CARF: variants seen among roughly 807,000 people sequenced by gnomAD.
CARF encodes the protein calcium-responsive transcription factor.
A neutral mutation model predicts 82.0 loss-of-function variants in CARF; 57 were observed. The ratio of observed to expected loss-of-function variants is 0.70; its 90% CI spans 0.56 to 0.87. The LOEUF is 0.87. Ranked by LOEUF, CARF falls within the 40% of genes least tolerant of loss-of-function variation. The probability of loss-of-function intolerance (pLI) is 0.00; values close to 1 mark genes in which losing one functional copy is unlikely to be tolerated. For synonymous variants in CARF, 268 were observed against 290.1 expected (o/e 0.92, Z 0.77); for missense variants, 771 against 855.8 (o/e 0.90, Z 1.24).
chr2:202,956,395 A>G (rs575354336), intron 8 of CARF, among the ~76,000 whole-genome samples: 8 of 152,162 alleles, frequency 5.3e-5, no homozygotes, highest in South Asian at 4.1e-4. Flanking sequence ...AGCTGGGACT[A>G]CAGGCATGTG....
intron 3 of CARF, among the ~76,000 whole-genome samples, chr2:202,935,154 ACTC>A (rs1161808992): frequency 7.1e-6 from 1 of 140,448 alleles, no homozygotes; most frequent in Non-Finnish European, 1.5e-5. Flanking sequence ...TATAATATAT[ACTC>A]CTGTATATAT....
chr2:202,981,617 T>A lies in CARF; in HGVS notation c.1621T>A (p.Ser541Thr). 6.2e-7 allele frequency: 1 copy of A among 1,611,508 alleles called. No individual in the cohort carries two copies. The highest frequency in any genetic ancestry group is 2.2e-5 in the East Asian group (1 of 44,818). ...AACAAATCAGACCAGGGGTTCTTTG[T>A]CTCCTGAGCCAACCCACTTGCTCTC... is the stretch of plus-strand genomic sequence containing the variant. ...VETNQTRGSL[S>T]PEPTHLLSSL... Residue 541 changes from serine (S) to threonine (T), a missense_variant, in exon 15 of 17, where the codon TCT (serine) becomes ACT (threonine). Transcript: ENST00000438828.
At chr2:202,959,449 G>A (rs2059205144) in intron 8 of CARF, among the ~76,000 whole-genome samples, 1 of 152,136 alleles carries the variant, frequency 6.6e-6, no homozygotes, top group Non-Finnish European at 1.5e-5. Context: ...AAACATACAT[G>A]GAGTCAATTC....
chr2:202,961,146 T>C, intron 8 of CARF, 91 bp from the exon 9 acceptor site: 2 of 990,456 alleles, frequency 2.0e-6, no homozygotes, highest in Non-Finnish European at 3.0e-6. Flanking sequence ...TGAAAGGTGA[T>C]GAGTCTTCCA....
chr2:202,926,860 T>C (rs1416626797), intron 3 of CARF, among the ~76,000 whole-genome samples: 1 of 152,212 alleles, frequency 6.6e-6, no homozygotes, highest in African/African-American at 2.4e-5. Context: ...TCTTGCTCTG[T>C]CGCCCAGGTT....
chr2:202,948,037 T>G (rs544992061), intron 5 of CARF, among the ~76,000 whole-genome samples: 108 of 152,316 alleles, frequency 7.1e-4, no homozygotes, highest in African/African-American at 2.4e-3. Flanking sequence ...GTATATGGTG[T>G]GAGGAAGGGG....
At position 202,952,601 on chromosome 2, in the gene CARF, G is replaced by A. The variant is rs762408121; in HGVS notation, c.349G>A (p.Val117Ile). 6.2e-7 allele frequency: 1 copy of A among 1,613,502 alleles called. No homozygotes were observed. Among genetic ancestry groups the A allele is most frequent in the Non-Finnish European group, 8.5e-7 (1 of 1,179,848 alleles). ...AACAGAAAATGGACAGGTACTTCGT[G>A]TAATTCCACCTACCCAGACAGGAAT... is the stretch of plus-strand genomic sequence containing the variant. ...SPTENGQVLR[V>I]IPPTQTGMAQ... Residue 117 changes from valine to isoleucine, a missense_variant, in exon 6 of 17, where the codon GTA (valine) becomes ATA (isoleucine). Physicochemically the swap from Val to Ile is conservative, Grantham distance 29. Coordinates refer to ENST00000438828, the MANE Select transcript of CARF (RefSeq NM_024744.17).
chr2:202,947,175 A>G (rs1372289575), intron 5 of CARF, among the ~76,000 whole-genome samples: 1 of 152,222 alleles, frequency 6.6e-6, no homozygotes, highest in East Asian at 1.9e-4. Flanking sequence ...ACACATGGAC[A>G]TGTATGTTTA....
intron 10 of CARF, among the ~76,000 whole-genome samples, chr2:202,969,313 T>G (rs1052479543): frequency 3.3e-5 from 5 of 151,996 alleles, no homozygotes; most frequent in Non-Finnish European, 5.9e-5. Context: ...TGGCAGCTCA[T>G]GCCTGTAATC....
At chr2:202,981,825 CTTTT>C in intron 15 of CARF, 140 bp downstream of exon 15, 1 of 999,382 alleles carries the variant, frequency 1.0e-6, no homozygotes, top group Non-Finnish European at 1.5e-6. Flanking sequence ...ATTTCCTGAT[CTTTT>C]TGTTTCTTGA....
At chr2:202,914,114 T>C (rs4622701) in intron 1 of CARF, among the ~76,000 whole-genome samples, 2 of 152,258 alleles carry the variant, frequency 1.3e-5, no homozygotes, top group Non-Finnish European at 2.9e-5. Context: ...CTGATGCTTT[T>C]ACTTTGAGTC....
chr2:202,958,899 G>A (rs1336710242), intron 8 of CARF, among the ~76,000 whole-genome samples: 12 of 112,454 alleles, frequency 1.1e-4, no homozygotes, highest in African/African-American at 3.5e-4. Flanking sequence ...GGGAGACTCC[G>A]TCTCAAAAAA....
chr2:202,925,287 G>A, intron 3 of CARF: 1 of 358,006 alleles, frequency 2.8e-6, no homozygotes, highest in Non-Finnish European at 5.5e-6. Flanking sequence ...TGGAAGAGCT[G>A]ACTGACAAGA....
chr2:202,967,746 G>A (rs1448058412), intron 10 of CARF, among the ~76,000 whole-genome samples: 1 of 152,178 alleles, frequency 6.6e-6, no homozygotes, highest in East Asian at 1.9e-4. Context: ...TCCTAGAAAT[G>A]AAATTGCTAG....
At position 202,912,317 on chromosome 2, in the gene CARF, A is replaced by G. The variant is rs1488123848; in HGVS notation, c.-1115A>G. On this transcript the variant is annotated 5_prime_UTR_variant, in exon 1 of 17. Coordinates refer to ENST00000438828, the MANE Select transcript of CARF (RefSeq NM_024744.17). ...GTCTCCATGGCGGGGCCTCGGAGCC[A>G]AGACGAGGTTGAGTAGACTCGTTTT... 6.6e-6 allele frequency: 1 copy of G among 152,228 alleles called. No individual in the cohort carries two copies. 9.4% of individuals were successfully genotyped at this position (152,228 alleles called of 1,614,324 possible).
chr2:202,915,701 CT>C (rs1689504843), intron 1 of CARF, among the ~76,000 whole-genome samples: 1 of 151,786 alleles, frequency 6.6e-6, no homozygotes. Flanking sequence ...ATCTCCTGAC[CT>C]TGTGATCCAT....
At chr2:202,920,868 T>C (rs1301298647) in intron 2 of CARF, among the ~76,000 whole-genome samples, 2 of 152,230 alleles carry the variant, frequency 1.3e-5, no homozygotes, top group Non-Finnish European at 2.9e-5. Context: ...AATCTAACTT[T>C]GTAAAAAGTT....
At chr2:202,966,704 C>T (rs1239953159) in intron 9 of CARF, among the ~76,000 whole-genome samples, 9 of 149,952 alleles carry the variant, frequency 6.0e-5, no homozygotes, top group Admixed American at 4.6e-4. Flanking sequence ...AGTGAGACTC[C>T]GTCTCAAAAA....
intron 7 of CARF, 22 bp from the exon 8 acceptor site, chr2:202,955,652 A>G (rs1377797125): frequency 2.6e-6 from 4 of 1,562,698 alleles, no homozygotes; most frequent in Non-Finnish European, 3.5e-6. Flanking sequence ...GCATATTTAT[A>G]TATATTCCTC....
Sources: gnomAD v4.1 joint callset for allele counts (sites outside exome capture counted in the v4.1 genomes callset) on GRCh38, gnomAD v4.1.1 for gene constraint, MANE v1.5 for transcripts, NCBI Gene and HGNC (gene_info 2026-07-23, HGNC 2026-07-21) for gene names.